Variants in ELF1 observed in about 807,000 individuals in gnomAD.
ELF1 encodes the protein E74 like ETS transcription factor 1.
In ELF1, 24 loss-of-function variants were observed where a neutral mutation model predicts 59.9. The observed-to-expected ratio is 0.40, with a 90% CI of 0.29 to 0.56. The LOEUF is 0.56. Among genes scored for constraint, ELF1 ranks in the 20% least tolerant of loss-of-function variants. The probability of loss-of-function intolerance (pLI) is 0.44; values close to 1 mark genes in which losing one functional copy is unlikely to be tolerated. For synonymous variants in ELF1, 248 were observed against 266.2 expected (o/e 0.93, Z 0.67); for missense variants, 627 against 742.2 (o/e 0.84, Z 1.80).
At chr13:40,951,144 C>A (rs991998668) in intron 4 of ELF1, among the ~76,000 whole-genome samples, 185 bp downstream of exon 4, 1 of 152,162 alleles carries the variant, frequency 6.6e-6, no homozygotes, top group Non-Finnish European at 1.5e-5. Context: ...GCTTCATTCT[C>A]AAATTAAAAT....
upstream of ELF1, chr13:41,019,344 A>G (rs2138390567): frequency 1.0e-6 from 1 of 985,438 alleles, no homozygotes. Context: ...GCTTCAGCTT[A>G]TGAGTCATAC....
chr13:41,023,565 G>A (rs1381350281), upstream of ELF1, among the ~76,000 whole-genome samples: 1 of 152,100 alleles, frequency 6.6e-6, no homozygotes, highest in Non-Finnish European at 1.5e-5. Flanking sequence ...ATAATCCCAG[G>A]TTCCAAGAAT....
intron 2 of ELF1, among the ~76,000 whole-genome samples, chr13:40,968,082 CAT>C (rs1284065921): frequency 1.3e-5 from 2 of 152,276 alleles, no homozygotes; most frequent in African/African-American, 2.4e-5. Context: ...AATGTTGATA[CAT>C]ATGTGTGTTC....
At chr13:40,991,625 G>GA (rs1873858013) in intron 1 of ELF1, among the ~76,000 whole-genome samples, 1 of 150,730 alleles carries the variant, frequency 6.6e-6, no homozygotes, top group Non-Finnish European at 1.5e-5. Flanking sequence ...AATTGTTAAA[G>GA]AAAATCATAC....
chr13:41,060,451 G>A (rs1343543594), intron 1 of ELF1, among the ~76,000 whole-genome samples: 2 of 152,198 alleles, frequency 1.3e-5, no homozygotes, highest in Admixed American at 6.5e-5. Context: ...GGGCCGGAGG[G>A]GCGGGGGAGC....
chr13:41,035,599 A>C (rs1283424185), intron 1 of ELF1, among the ~76,000 whole-genome samples: 2 of 152,142 alleles, frequency 1.3e-5, no homozygotes, highest in Non-Finnish European at 2.9e-5. Context: ...AAAGCTCTGC[A>C]TCTGTAAAGA....
At chr13:41,046,143 C>T (rs1320491580) in intron 1 of ELF1, among the ~76,000 whole-genome samples, 1 of 152,116 alleles carries the variant, frequency 6.6e-6, no homozygotes, top group Non-Finnish European at 1.5e-5. Context: ...CTTAGTAGAT[C>T]TTCCTCCATC....
intron 1 of ELF1, among the ~76,000 whole-genome samples, chr13:41,056,559 C>T (rs888243502): frequency 6.6e-6 from 1 of 152,178 alleles, no homozygotes; most frequent in African/African-American, 2.4e-5. Flanking sequence ...AACTGTTTTC[C>T]AAAGCAACTG....
At chr13:40,952,086 T>A (rs1482723313) in intron 3 of ELF1, among the ~76,000 whole-genome samples, 1 of 152,204 alleles carries the variant, frequency 6.6e-6, no homozygotes, top group Admixed American at 6.5e-5. Flanking sequence ...GCCATTCATC[T>A]GTCTAGCTTT....
intron 2 of ELF1, among the ~76,000 whole-genome samples, chr13:40,981,256 C>G (rs1018296458): frequency 2.0e-5 from 3 of 152,190 alleles, no homozygotes; most frequent in African/African-American, 7.2e-5. Flanking sequence ...TCATGTCTTA[C>G]ATTCCCTATA....
At chr13:41,060,917 C>CGCT (rs1555283660) in exon 1 of ELF1, 336 of 30,720 alleles carry the variant, frequency 0.011, 7 homozygotes, top group African/African-American at 0.051. Flanking sequence ...CTGCTGCTGC[C>CGCT]GCCGCCGCCG....
At chr13:40,957,869 G>A (rs1871552826) in intron 3 of ELF1, among the ~76,000 whole-genome samples, 1 of 152,122 alleles carries the variant, frequency 6.6e-6, no homozygotes, top group Admixed American at 6.6e-5. Flanking sequence ...AAACATTACT[G>A]TATCATATGT....
chr13:40,958,352 C>T (rs1337520638), intron 3 of ELF1, among the ~76,000 whole-genome samples: 2 of 152,140 alleles, frequency 1.3e-5, no homozygotes, highest in East Asian at 3.9e-4. Context: ...TCTTTCCCTA[C>T]AAAACAACTC....
At chr13:41,029,339 G>A (rs971359916) in intron 1 of ELF1, among the ~76,000 whole-genome samples, 1 of 152,186 alleles carries the variant, frequency 6.6e-6, no homozygotes, top group African/African-American at 2.4e-5. Flanking sequence ...AACTGGTATA[G>A]TATTATTTTT....
At chr13:41,040,216 T>C (rs1457455513) in intron 1 of ELF1, among the ~76,000 whole-genome samples, 1 of 152,192 alleles carries the variant, frequency 6.6e-6, no homozygotes, top group Non-Finnish European at 1.5e-5. Context: ...CACGATATTG[T>C]TCAAAGTAGT....
intron 1 of ELF1, among the ~76,000 whole-genome samples, chr13:41,056,492 C>T (rs1877291206): frequency 6.6e-6 from 1 of 152,170 alleles, no homozygotes; most frequent in Admixed American, 6.5e-5. Context: ...GGGTACACAC[C>T]TAGGAGTGGA....
chr13:41,035,717 AGAAC>A (rs1876347145), intron 1 of ELF1, among the ~76,000 whole-genome samples: 2 of 144,784 alleles, frequency 1.4e-5, no homozygotes, highest in African/African-American at 5.0e-5. Context: ...GATGAGGAAA[AGAAC>A]AAAAAGAAAA....
chr13:40,944,917 A>C (rs919742961), intron 5 of ELF1, among the ~76,000 whole-genome samples: 1 of 152,232 alleles, frequency 6.6e-6, no homozygotes, highest in Non-Finnish European at 1.5e-5. Flanking sequence ...ATTTATCCCC[A>C]GAAATGGAAT....
At chr13:41,023,340 C>G (rs1192694026), upstream of ELF1, among the ~76,000 whole-genome samples, 1 of 152,126 alleles carries the variant, frequency 6.6e-6, no homozygotes, top group Non-Finnish European at 1.5e-5. Context: ...CTAAAAAAAG[C>G]TTTGTTTGAA....
Sources: allele counts gnomAD v4.1 joint callset (sites outside exome capture counted in the v4.1 genomes callset), GRCh38; gene constraint gnomAD v4.1.1; transcripts MANE v1.5; gene names NCBI Gene and HGNC (gene_info 2026-07-23, HGNC 2026-07-21).